The following IL1R1 variants were observed in gnomAD, a reference collection of about 807,000 sequenced individuals.
The protein encoded by IL1R1 is interleukin 1 receptor type 1.
IL1R1 carries 22 observed loss-of-function variants against 50.2 expected under a neutral mutation model. The ratio of observed to expected loss-of-function variants is 0.44; its 90% CI spans 0.31 to 0.63. The LOEUF is 0.63. Ranked by LOEUF, IL1R1 falls within the 20% of genes least tolerant of loss-of-function variation. IL1R1 has a pLI of 0.07. For missense variants in IL1R1, 509 were observed against 676.2 expected (o/e 0.75, Z 2.74); for synonymous variants, 251 against 236.7 (o/e 1.06, Z -0.55).
At position 102,158,350 on chromosome 2, in the gene IL1R1, A is replaced by G. The variant is rs2080312; in HGVS notation, c.61+565A>G. On this transcript the variant is annotated intron_variant, in intron 3 of 11. Coordinates refer to ENST00000410023, the MANE Select transcript of IL1R1 (RefSeq NM_000877.4). ...AGAGAGAGATAACAGATAAGTAGACATATATTGTGTCATATGATGGCAAGT... is the reference window on the plus strand; with the variant it reads ...AGAGAGAGATAACAGATAAGTAGACGTATATTGTGTCATATGATGGCAAGT... 0.011 allele frequency among the ~76,000 whole-genome samples: 1,650 copies of G among 152,344 alleles called. 72 individuals are homozygous for G. In the East Asian group the frequency reaches 0.14, roughly 13 times the overall value.
chr2:102,072,184 C>G (rs924592056), intron 1 of IL1R1, among the ~76,000 whole-genome samples: 1 of 150,744 alleles, frequency 6.6e-6, no homozygotes, highest in African/African-American at 2.5e-5. Flanking sequence ...TGCTTGAACC[C>G]GGGAGGTGGA....
At chr2:102,174,106 A>G (rs1164774187) in intron 9 of IL1R1, among the ~76,000 whole-genome samples, 2 of 151,650 alleles carry the variant, frequency 1.3e-5, no homozygotes, top group African/African-American at 2.4e-5. Flanking sequence ...CCCATCACCT[A>G]CTCCATCTGC....
chr2:102,135,152 T>A (rs78305073), intron 1 of IL1R1, among the ~76,000 whole-genome samples: 2 of 138,254 alleles, frequency 1.4e-5, no homozygotes, highest in South Asian at 2.3e-4. Context: ...CTGTTTTTTT[T>A]AAAATCAAAA....
Position 102,164,929 on chromosome 2 carries a change from A to G in IL1R1, c.217A>G (p.Arg73Gly), listed in dbSNP as rs138930592. The change falls in exon 4 of 12, where the codon AGG (arginine) becomes GGG (glycine). Residue 73 changes from arginine to glycine, a missense_variant. Arg to Gly is a moderately radical substitution (Grantham distance 125). Transcript: ENST00000410023. ...ACCTGTATCTACAGAACAAGCCTCC[A>G]GGATTCATCAACACAAAGAGAAACT... Reference protein sequence around the residue: ...KTPVSTEQASRIHQHKEKLWF... With the variant: ...KTPVSTEQASGIHQHKEKLWF... The G allele has an allele frequency of 2.5e-6, 4 of 1,614,174 alleles. No homozygotes were observed. The highest frequency in any genetic ancestry group is 1.1e-5 in the South Asian group (1 of 91,086).
intron 1 of IL1R1, among the ~76,000 whole-genome samples, chr2:102,108,176 A>T (rs1264993200): frequency 6.6e-6 from 1 of 151,472 alleles, no homozygotes; most frequent in South Asian, 2.1e-4. Context: ...GCATGCTGAA[A>T]TTTTGTCGTC....
intron 1 of IL1R1, among the ~76,000 whole-genome samples, chr2:102,109,531 G>T (rs1454465724): frequency 6.6e-6 from 1 of 152,118 alleles, no homozygotes; most frequent in Non-Finnish European, 1.5e-5. Context: ...GATGTATTTG[G>T]TTCTTCCATC....
intron 1 of IL1R1, among the ~76,000 whole-genome samples, chr2:102,072,254 T>C (rs1210906080): frequency 6.7e-6 from 1 of 148,724 alleles, no homozygotes; most frequent in Non-Finnish European, 1.5e-5. Context: ...AGCAAGACTC[T>C]GTGTCACCAA....
At chr2:102,119,348 T>C (rs536149136) in intron 1 of IL1R1, among the ~76,000 whole-genome samples, 1 of 152,372 alleles carries the variant, frequency 6.6e-6, no homozygotes, top group East Asian at 1.9e-4. Flanking sequence ...AACCAAATTG[T>C]TCTTCCTTTG....
intron 1 of IL1R1, chr2:102,070,600 G>A (rs1326105421): frequency 6.6e-6 from 1 of 152,206 alleles, no homozygotes; most frequent in Non-Finnish European, 1.5e-5. Flanking sequence ...CGTTTTCAGA[G>A]TGGGAAGGCC....
At chr2:102,168,527 C>A in intron 6 of IL1R1, 71 bp from the exon 7 acceptor site, 1 of 1,189,504 alleles carries the variant, frequency 8.4e-7, no homozygotes, top group Non-Finnish European at 1.3e-6. Context: ...GTATGTTTTG[C>A]TAAGTGTTGT....
rs1390085378 is a variant in IL1R1, at chr2:102,176,481, C to T, written c.1432C>T (p.Leu478Phe). ...SEEQIAMYNA[L>F]VQDGIKVVLL... The stretch of plus-strand genomic sequence containing the variant: ...AGAGCAAATAGCCATGTATAATGCT[C>T]TTGTTCAGGATGGAATTAAAGTTGT... Residue 478 changes from leucine (L) to phenylalanine (F), a missense_variant, in exon 12 of 12, where the codon CTT becomes TTT. Coordinates refer to ENST00000410023, the MANE Select transcript of IL1R1 (RefSeq NM_000877.4). 4 of 1,614,204 alleles carry T rather than the reference C, an allele frequency of 2.5e-6. No individual in the cohort carries two copies. Among genetic ancestry groups the T allele is most frequent in the Non-Finnish European group, 3.4e-6 (4 of 1,180,024 alleles).
chr2:102,093,977 C>A (rs558180986), intron 1 of IL1R1, among the ~76,000 whole-genome samples: 3 of 152,208 alleles, frequency 2.0e-5, no homozygotes, highest in Non-Finnish European at 4.4e-5. Flanking sequence ...TCACCTGCAG[C>A]AGAAATACAC....
chr2:102,091,530 A>T (rs991950003), intron 1 of IL1R1, among the ~76,000 whole-genome samples: 1 of 152,190 alleles, frequency 6.6e-6, no homozygotes, highest in African/African-American at 2.4e-5. Flanking sequence ...TATGGGGTAC[A>T]TGTGATATTT....
Position 102,176,855 on chromosome 2 carries a change from G to A in IL1R1, c.*96G>A. The A allele has an allele frequency of 8.6e-7, 1 of 1,168,644 alleles. No homozygotes were observed. Among genetic ancestry groups the A allele is most frequent in the African/African-American group, 1.5e-5 (1 of 65,270 alleles). 72.4% of individuals were successfully genotyped at this position (1,168,644 alleles called of 1,614,324 possible). On this transcript the variant is annotated 3_prime_UTR_variant, in exon 12 of 12. Transcript: ENST00000410023. ...TGCTGACTTGCAGAGTTCATGGAAT[G>A]TAACTATATCATCCTTTATCCCTGA... is the stretch of plus-strand genomic sequence containing the variant.
chr2:102,077,069 C>T (rs1451792241), intron 1 of IL1R1, among the ~76,000 whole-genome samples: 1 of 151,654 alleles, frequency 6.6e-6, no homozygotes, highest in Non-Finnish European at 1.5e-5. Context: ...TTCTTTCTTT[C>T]TTTTTATTTT....
intron 1 of IL1R1, among the ~76,000 whole-genome samples, chr2:102,090,712 GT>G (rs1679629016): frequency 1.3e-5 from 2 of 152,030 alleles, no homozygotes; most frequent in Non-Finnish European, 2.9e-5. Context: ...TTTAGTTCAT[GT>G]TTTTCTGCAT....
At chr2:102,172,015 T>A in intron 8 of IL1R1, 97 bp downstream of exon 8, 2 of 364,176 alleles carry the variant, frequency 5.5e-6, no homozygotes, top group African/African-American at 2.2e-5. Context: ...TGTTAGTTGC[T>A]CCTAACCTTT....
At position 102,091,396 on chromosome 2, in the gene IL1R1, T is replaced by C. The variant is rs542741736; in HGVS notation, c.-84+20863T>C. On this transcript the variant is annotated intron_variant, in intron 1 of 11. Coordinates refer to the IL1R1 transcript ENST00000409929. ...GGCCATTATCCTTTGAAAGCTGATT[T>C]TGTAATCTTGATAAAGTGGAAGTGG... 5.3e-5 allele frequency among the ~76,000 whole-genome samples: 8 copies of C among 152,360 alleles called. No homozygotes were observed. The South Asian group carries it at 1.4e-3, about 28-fold the overall frequency.
At chr2:102,096,720 A>AAAT (rs1679918915) in intron 1 of IL1R1, among the ~76,000 whole-genome samples, 2 of 152,028 alleles carry the variant, frequency 1.3e-5, no homozygotes, top group Admixed American at 1.3e-4. Flanking sequence ...TAATGTAGGC[A>AAAT]AATATATTAA....
Sources: allele counts gnomAD v4.1 joint callset (sites outside exome capture counted in the v4.1 genomes callset), GRCh38; gene constraint gnomAD v4.1.1; transcripts MANE v1.5; gene names NCBI Gene and HGNC (gene_info 2026-07-23, HGNC 2026-07-21).